The following PDGFD variants were observed in gnomAD, a reference collection of about 807,000 sequenced individuals.
The protein encoded by PDGFD is platelet derived growth factor D, also known as platelet-derived growth factor D.
PDGFD carries 30 observed loss-of-function variants against 44.7 expected under a neutral mutation model. That is an observed-to-expected ratio of 0.67 (90% confidence interval 0.50 to 0.91). PDGFD has a LOEUF of 0.91. Among genes scored for constraint, PDGFD ranks in the 40% least tolerant of loss-of-function variants. The probability of loss-of-function intolerance (pLI) is 0.00; values close to 1 mark genes in which losing one functional copy is unlikely to be tolerated. For missense variants in PDGFD, 445 were observed against 457.8 expected (o/e 0.97, Z 0.25); for synonymous variants, 173 against 168.4 (o/e 1.03, Z -0.21).
intron 1 of PDGFD, among the ~76,000 whole-genome samples, chr11:104,039,470 T>A (rs1860310841): frequency 1.3e-5 from 2 of 152,108 alleles, no homozygotes; most frequent in Non-Finnish European, 2.9e-5. Context: ...TTGGTAATAC[T>A]AATCAACCTT....
intron 1 of PDGFD, among the ~76,000 whole-genome samples, chr11:104,140,979 T>C (rs562474031): frequency 1.3e-5 from 2 of 152,356 alleles, no homozygotes; most frequent in African/African-American, 2.4e-5. Context: ...CTCCAATTCA[T>C]TTAATGTTGC....
At chr11:104,118,396 C>G (rs1240943582) in intron 1 of PDGFD, among the ~76,000 whole-genome samples, 1 of 151,888 alleles carries the variant, frequency 6.6e-6, no homozygotes, top group Non-Finnish European at 1.5e-5. Context: ...CCTAATCAAC[C>G]TAGCAAGTTC....
intron 1 of PDGFD, among the ~76,000 whole-genome samples, chr11:104,102,297 C>T (rs182287053): frequency 3.2e-3 from 488 of 152,286 alleles, no homozygotes; most frequent in African/African-American, 0.011. Flanking sequence ...CAAAAGAAGA[C>T]ATTTATGCAG....
At chr11:104,129,690 C>T (rs958661670) in intron 1 of PDGFD, among the ~76,000 whole-genome samples, 16 of 151,962 alleles carry the variant, frequency 1.1e-4, no homozygotes, top group Admixed American at 7.9e-4. Flanking sequence ...GGAGGTAGAG[C>T]GTGAAACACG....
chr11:103,950,549 G>A (rs1858738071), intron 3 of PDGFD, among the ~76,000 whole-genome samples: 1 of 103,294 alleles, frequency 9.7e-6, no homozygotes. Flanking sequence ...GGCAACAAGA[G>A]CGAAACTCTG....
intron 1 of PDGFD, among the ~76,000 whole-genome samples, chr11:104,144,538 A>AAACC (rs1565347744): frequency 0.033 from 4,391 of 131,938 alleles, 109 homozygotes; most frequent in Non-Finnish European, 0.038. Context: ...ACCCAACAAA[A>AAACC]CAAAACAAAC....
At chr11:103,929,520 C>T (rs1457165048) in intron 5 of PDGFD, among the ~76,000 whole-genome samples, 2 of 152,240 alleles carry the variant, frequency 1.3e-5, no homozygotes, top group African/African-American at 4.8e-5. Context: ...CATTGTATAA[C>T]TCTTTGACTA....
chr11:104,015,246 T>C (rs1398209778), intron 1 of PDGFD, among the ~76,000 whole-genome samples: 1 of 152,234 alleles, frequency 6.6e-6, no homozygotes, highest in Non-Finnish European at 1.5e-5. Flanking sequence ...GAGTTAGTAA[T>C]CTTCTGTGAG....
intron 4 of PDGFD, among the ~76,000 whole-genome samples, chr11:103,947,054 GTGAAAACAAGGTC>G (rs1858677689): frequency 6.6e-6 from 1 of 152,190 alleles, no homozygotes; most frequent in African/African-American, 2.4e-5. Flanking sequence ...CATAGGATTG[GTGAAAACAAGGTC>G]TGTTCTTTCT....
chr11:104,032,421 C>T (rs1402335614), intron 1 of PDGFD, among the ~76,000 whole-genome samples: 1 of 152,132 alleles, frequency 6.6e-6, no homozygotes, highest in African/African-American at 2.4e-5. Flanking sequence ...GTCTTGATTA[C>T]ACGTTAAAGG....
chr11:104,092,597 G>GA (rs1193264208), intron 1 of PDGFD, among the ~76,000 whole-genome samples: 7 of 151,916 alleles, frequency 4.6e-5, no homozygotes, highest in Non-Finnish European at 1.0e-4. Context: ...CATGCCTCCA[G>GA]AAAAAAATCA....
intron 1 of PDGFD, among the ~76,000 whole-genome samples, chr11:104,080,951 G>A (rs571438387): frequency 1.3e-5 from 2 of 152,288 alleles, no homozygotes; most frequent in South Asian, 4.1e-4. Flanking sequence ...ATATGACTGA[G>A]TAAATGTGGA....
At chr11:103,942,426 G>A (rs1385999605) in intron 5 of PDGFD, among the ~76,000 whole-genome samples, 1 of 152,054 alleles carries the variant, frequency 6.6e-6, no homozygotes, top group Non-Finnish European at 1.5e-5. Context: ...TCACTCAGAT[G>A]TAAGACCTGG....
At chr11:104,074,872 CAA>C (rs1260004607) in intron 1 of PDGFD, among the ~76,000 whole-genome samples, 5 of 152,058 alleles carry the variant, frequency 3.3e-5, no homozygotes, top group Non-Finnish European at 7.4e-5. Flanking sequence ...TGTGGTGAAA[CAA>C]AAGTCACCGT....
At chr11:104,080,983 T>C (rs1194788190) in intron 1 of PDGFD, among the ~76,000 whole-genome samples, 4 of 152,210 alleles carry the variant, frequency 2.6e-5, no homozygotes, top group African/African-American at 9.7e-5. Flanking sequence ...CAGCTTCAGT[T>C]AAATCTGTGG....
At chr11:104,029,547 A>G (rs1465918326) in intron 1 of PDGFD, among the ~76,000 whole-genome samples, 1 of 152,250 alleles carries the variant, frequency 6.6e-6, no homozygotes, top group Non-Finnish European at 1.5e-5. Context: ...TTCATAAAAT[A>G]TCTAAATGAC....
chr11:103,913,312 C>T (rs1858061217), intron 6 of PDGFD, among the ~76,000 whole-genome samples: 1 of 152,192 alleles, frequency 6.6e-6, no homozygotes, highest in Admixed American at 6.5e-5. Context: ...TCTCAGACTA[C>T]AGTGCAATCT....
intron 1 of PDGFD, among the ~76,000 whole-genome samples, chr11:104,022,926 C>T (rs926830357): frequency 6.6e-6 from 1 of 151,414 alleles, no homozygotes; most frequent in African/African-American, 2.4e-5. Context: ...TGTTTTTTTT[C>T]CTGAAAGGTT....
chr11:104,034,832 C>T (rs1291427974), intron 1 of PDGFD, among the ~76,000 whole-genome samples: 1 of 152,032 alleles, frequency 6.6e-6, no homozygotes, highest in African/African-American at 2.4e-5. Context: ...TTAGTAGAGA[C>T]AGGGTTTCAC....
Sources: allele counts gnomAD v4.1 joint callset (sites outside exome capture counted in the v4.1 genomes callset), GRCh38; gene constraint gnomAD v4.1.1; transcripts MANE v1.5; gene names NCBI Gene and HGNC (gene_info 2026-07-23, HGNC 2026-07-21).